POU2F1: variants seen among roughly 807,000 people sequenced by gnomAD.
The protein encoded by POU2F1 is POU domain, class 2, transcription factor 1.
Under a neutral mutation model 84.9 loss-of-function variants are expected in POU2F1, and 16 were observed. The observed-to-expected ratio is 0.19, with a 90% CI of 0.13 to 0.29. The LOEUF (loss-of-function observed/expected upper bound fraction) is 0.29. Among genes scored for constraint, POU2F1 ranks in the 10% least tolerant of loss-of-function variants. POU2F1 has a pLI of 1.00. For missense variants in POU2F1, 738 were observed against 942.6 expected (o/e 0.78, Z 2.84); for synonymous variants, 368 against 368.3 (o/e 1.00, Z 0.01).
At chr1:167,367,143 C>A (rs549296787) in intron 3 of POU2F1, among the ~76,000 whole-genome samples, 1 of 152,246 alleles carries the variant, frequency 6.6e-6, no homozygotes, top group East Asian at 1.9e-4. Flanking sequence ...ATTGAATCTC[C>A]CATCAAGACA....
At chr1:167,349,280 A>G (rs1227857438) in intron 2 of POU2F1, among the ~76,000 whole-genome samples, 1 of 151,942 alleles carries the variant, frequency 6.6e-6, no homozygotes, top group Non-Finnish European at 1.5e-5. Flanking sequence ...GTCTTCTTTT[A>G]ATGTTCTTGT....
At chr1:167,327,995 G>A (rs1334805025) in intron 1 of POU2F1, among the ~76,000 whole-genome samples, 2 of 152,098 alleles carry the variant, frequency 1.3e-5, no homozygotes, top group Admixed American at 6.6e-5. Flanking sequence ...TCATTGTAAT[G>A]CCTAAAAAAT....
At chr1:167,374,983 C>T (rs536912007) in intron 6 of POU2F1, among the ~76,000 whole-genome samples, 2 of 151,124 alleles carry the variant, frequency 1.3e-5, no homozygotes, top group South Asian at 4.2e-4. Flanking sequence ...AGGAGAATAG[C>T]GTGAACCCAG....
In POU2F1 at chr1:167,415,763, G is replaced by T; in HGVS notation, c.2254G>T (p.Ala752Ser). The T allele has an allele frequency of 6.2e-7, 1 of 1,614,116 alleles. No homozygotes were observed. Among genetic ancestry groups the T allele is most frequent in the East Asian group, 2.2e-5 (1 of 44,872 alleles). The part of the protein sequence containing the change: ...IQNSLFTVAS[A>S]SGAASTTTTA... ...GAACTCTCTCTTCACAGTGGCCTCT[G>T]CCAGCGGGGCTGCGTCCACCACCAC... is the stretch of plus-strand genomic sequence containing the variant. Residue 752 changes from alanine (A) to serine (S), a missense_variant, in exon 16 of 16, where the codon GCC (alanine) becomes TCC (serine). Ala to Ser is a moderately conservative substitution (Grantham distance 99). This residue lies in a region of POU2F1 where 319 missense variants were observed against 386.0 expected (regional missense o/e 0.83). Transcript: ENST00000367866.
At chr1:167,319,873 G>T (rs1408355374) in intron 1 of POU2F1, among the ~76,000 whole-genome samples, 1 of 152,164 alleles carries the variant, frequency 6.6e-6, no homozygotes, top group Non-Finnish European at 1.5e-5. Context: ...GCACCATTTG[G>T]CAAGTTGGGC....
intron 1 of POU2F1, among the ~76,000 whole-genome samples, chr1:167,245,281 C>T (rs1003178334): frequency 6.6e-6 from 1 of 150,886 alleles, no homozygotes; most frequent in Non-Finnish European, 1.5e-5. Context: ...CTCATTCTGT[C>T]ACCCAGCTGG....
intron 1 of POU2F1, among the ~76,000 whole-genome samples, chr1:167,253,381 C>CCG (rs1650877569): frequency 5.4e-5 from 1 of 18,454 alleles, no homozygotes; most frequent in African/African-American, 1.0e-4. Context: ...TTTCTGCCCC[C>CCG]CCCCCCCCAA....
chr1:167,374,500 A>G (rs1660201651), intron 6 of POU2F1, among the ~76,000 whole-genome samples: 1 of 152,268 alleles, frequency 6.6e-6, no homozygotes, highest in Non-Finnish European at 1.5e-5. Context: ...TTGTAAACAT[A>G]TAGCTGATTA....
chr1:167,358,384 T>C lies in POU2F1; in HGVS notation c.128-7083T>C, dbSNP rs570394099. 4.5e-4 allele frequency among the ~76,000 whole-genome samples: 68 copies of C among 152,142 alleles called. 1 individual carries two copies. In the South Asian group the frequency reaches 0.011, roughly 24 times the overall value. The stretch of plus-strand genomic sequence containing the variant: ...TTTTTCACACTTTATCAGGTTATGG[T>C]ATCGAGGTTATGCTGGTCTCATAAA... On this transcript the variant is annotated intron_variant, in intron 2 of 15. Coordinates refer to ENST00000367866, the MANE Select transcript of POU2F1 (RefSeq NM_002697.4).
intron 1 of POU2F1, among the ~76,000 whole-genome samples, chr1:167,223,862 G>A (rs889014332): frequency 6.6e-6 from 1 of 152,152 alleles, no homozygotes; most frequent in Admixed American, 6.5e-5. Flanking sequence ...TTTTGCACCC[G>A]ATTCCCAAGA....
At chr1:167,242,937 C>A (rs1162836115) in intron 1 of POU2F1, among the ~76,000 whole-genome samples, 4 of 151,960 alleles carry the variant, frequency 2.6e-5, no homozygotes, top group Admixed American at 6.6e-5. Context: ...TCTCCCTCCC[C>A]CTCCTTCCAC....
At chr1:167,384,533 G>C (rs1247341409) in intron 8 of POU2F1, among the ~76,000 whole-genome samples, 2 of 151,930 alleles carry the variant, frequency 1.3e-5, no homozygotes, top group Admixed American at 6.6e-5. Flanking sequence ...TAAATTAGGT[G>C]ACTGAACTGG....
chr1:167,275,570 T>C (rs185261825), intron 1 of POU2F1, among the ~76,000 whole-genome samples: 39 of 152,286 alleles, frequency 2.6e-4, no homozygotes, highest in Admixed American at 9.1e-4. Context: ...AAAGTGTTAG[T>C]GTTCGCTTGA....
At chr1:167,304,857 T>TTCATAAGAA (rs1192965358) in intron 1 of POU2F1, among the ~76,000 whole-genome samples, 1 of 152,186 alleles carries the variant, frequency 6.6e-6, no homozygotes, top group African/African-American at 2.4e-5. Context: ...ATAAGACATT[T>TTCATAAGAA]TAAAAACGCT....
At chr1:167,225,132 G>A (rs1315659937) in intron 1 of POU2F1, among the ~76,000 whole-genome samples, 4 of 152,100 alleles carry the variant, frequency 2.6e-5, no homozygotes, top group Admixed American at 1.3e-4. Flanking sequence ...CCAGCCCGTT[G>A]TCACTTTCTT....
intron 1 of POU2F1, among the ~76,000 whole-genome samples, chr1:167,222,517 G>T (rs1385348779): frequency 2.6e-5 from 4 of 152,180 alleles, no homozygotes; most frequent in Middle Eastern, 3.4e-3. Context: ...AGGGCTCTGA[G>T]ATCAAACCCA....
chr1:167,248,146 T>C (rs948801846), intron 1 of POU2F1, among the ~76,000 whole-genome samples: 1 of 152,236 alleles, frequency 6.6e-6, no homozygotes, highest in Non-Finnish European at 1.5e-5. Context: ...GAAATTGATG[T>C]GTGATTATTC....
At chr1:167,415,393 C>T in intron 15 of POU2F1, 107 bp from the exon 16 acceptor site, 2 of 1,250,712 alleles carry the variant, frequency 1.6e-6, no homozygotes, top group Middle Eastern at 2.0e-4. Flanking sequence ...TATACTTTTT[C>T]CTGGTGGGTT....
chr1:167,229,644 G>A (rs972076490), intron 1 of POU2F1, among the ~76,000 whole-genome samples: 4 of 152,182 alleles, frequency 2.6e-5, no homozygotes, highest in African/African-American at 7.2e-5. Context: ...GATAGCAGAA[G>A]CATTTTTAAA....
Sources: allele counts gnomAD v4.1 joint callset (sites outside exome capture counted in the v4.1 genomes callset), GRCh38; gene constraint gnomAD v4.1.1; regional missense constraint gnomAD v4.1.1; transcripts MANE v1.5; gene names NCBI Gene and HGNC (gene_info 2026-07-23, HGNC 2026-07-21).